The following ARHGAP18 variants were observed in gnomAD, a reference collection of about 807,000 sequenced individuals.
ARHGAP18 encodes the protein Rho GTPase activating protein 18, also known as rho GTPase-activating protein 18.
Under a neutral mutation model 86.2 loss-of-function variants are expected in ARHGAP18, and 67 were observed. The observed-to-expected ratio is 0.78, with a 90% CI of 0.64 to 0.95. ARHGAP18 has a LOEUF of 0.95. Among genes scored for constraint, ARHGAP18 ranks in the 40% least tolerant of loss-of-function variants. The probability of loss-of-function intolerance (pLI) is 0.00; values close to 1 mark genes in which losing one functional copy is unlikely to be tolerated. For synonymous variants in ARHGAP18, 283 were observed against 280.4 expected (o/e 1.01, Z -0.09); for missense variants, 691 against 780.4 (o/e 0.89, Z 1.37).
At chr6:129,672,243 A>G (rs1368210435) in intron 1 of ARHGAP18, among the ~76,000 whole-genome samples, 1 of 152,136 alleles carries the variant, frequency 6.6e-6, no homozygotes, top group East Asian at 1.9e-4. Context: ...GTGTGTGCCA[A>G]CCTTACTCTC....
intron 1 of ARHGAP18, among the ~76,000 whole-genome samples, chr6:129,698,930 T>C (rs1774667482): frequency 6.6e-6 from 1 of 152,018 alleles, no homozygotes; most frequent in Admixed American, 6.5e-5. Flanking sequence ...TGACCTCAGG[T>C]GATCCACCCA....
chr6:129,707,611 G>A (rs549091528), intron 1 of ARHGAP18, among the ~76,000 whole-genome samples: 67 of 151,302 alleles, frequency 4.4e-4, no homozygotes, highest in African/African-American at 1.3e-3. Context: ...CTGGGACCAC[G>A]GGCATGCACT....
At chr6:129,594,716 TC>T (rs1788581670) in intron 12 of ARHGAP18, among the ~76,000 whole-genome samples, 1 of 152,164 alleles carries the variant, frequency 6.6e-6, no homozygotes, top group Non-Finnish European at 1.5e-5. Context: ...CATTCTAGAT[TC>T]CCTTCTTCTT....
At position 129,657,439 on chromosome 6, in the gene ARHGAP18, A is replaced by AAAC. The variant is rs558806978; in HGVS notation, c.114-15422_114-15421insGTT. 2.9e-3 allele frequency among the ~76,000 whole-genome samples: 444 copies of AAAC among 152,010 alleles called. 2 individuals carry two copies. The highest frequency in any genetic ancestry group is 9.9e-3 in the African/African-American group (410 of 41,460). ...CACCATTTTTGAAATTAAAAAAAAA[A>AAAC]AAAAAACAACTTAATACATGTTGGG... On this transcript the variant is annotated intron_variant, in intron 1 of 14. Transcript: ENST00000368149.
chr6:129,623,741 G>A (rs901545526), intron 5 of ARHGAP18, among the ~76,000 whole-genome samples: 2 of 151,824 alleles, frequency 1.3e-5, no homozygotes, highest in Non-Finnish European at 2.9e-5. Flanking sequence ...GAAGACAAAC[G>A]GACTAAAAAA....
intron 4 of ARHGAP18, among the ~76,000 whole-genome samples, chr6:129,631,441 G>A (rs1225805005): frequency 2.6e-5 from 4 of 151,888 alleles, no homozygotes; most frequent in Non-Finnish European, 5.9e-5. Flanking sequence ...AGAAAATCAA[G>A]TTGAAGCACA....
At chr6:129,582,585 G>A (rs965489764) in intron 13 of ARHGAP18, among the ~76,000 whole-genome samples, 1 of 152,128 alleles carries the variant, frequency 6.6e-6, no homozygotes, top group African/African-American at 2.4e-5. Context: ...TGCAGAAACT[G>A]CAAGACACTA....
intron 7 of ARHGAP18, among the ~76,000 whole-genome samples, chr6:129,614,292 G>A (rs1483184721): frequency 6.6e-6 from 1 of 152,010 alleles, no homozygotes; most frequent in East Asian, 1.9e-4. Context: ...TGACCTAATT[G>A]AGTTGTCAGC....
At chr6:129,650,980 A>C (rs1021833662) in intron 1 of ARHGAP18, among the ~76,000 whole-genome samples, 5 of 152,002 alleles carry the variant, frequency 3.3e-5, no homozygotes, top group Admixed American at 6.6e-5. Context: ...GTGTGTCCCC[A>C]CCATTAAATT....
intron 2 of ARHGAP18, among the ~76,000 whole-genome samples, chr6:129,640,606 C>A (rs1045456510): frequency 1.3e-5 from 2 of 151,994 alleles, no homozygotes; most frequent in South Asian, 2.1e-4. Flanking sequence ...AGAAAAAACC[C>A]CAAGTCTTCT....
Position 129,641,831 on chromosome 6 carries a change from C to A in ARHGAP18, c.301G>T (p.Val101Phe). 6.2e-7 allele frequency: 1 copy of A among 1,613,450 alleles called. No homozygotes were observed. Among genetic ancestry groups the A allele is most frequent in the Non-Finnish European group, 8.5e-7 (1 of 1,179,732 alleles). The part of the protein sequence containing the change: ...NSQEDQEVVV[V>F]KEPDEGELEE... The stretch of plus-strand genomic sequence containing the variant: ...TAGTTATTACCATCAGGCTCTTTGA[C>A]AACAACCACCTCTTGATCTTCTTGG... The change falls in exon 2 of 15, where the codon GTC (valine) becomes TTC (phenylalanine). Residue 101 changes from valine (V) to phenylalanine (F), a missense_variant. By Grantham distance (50) the Val-to-Phe change is conservative. Coordinates refer to ENST00000368149, the MANE Select transcript of ARHGAP18 (RefSeq NM_033515.3).
rs151107866 is a variant in ARHGAP18 at position 129,579,229 on chromosome 6, G to C, written c.1901-625C>G. 6.2e-3 allele frequency among the ~76,000 whole-genome samples: 948 copies of C among 152,082 alleles called. 10 individuals are homozygous for C. Among genetic ancestry groups the C allele is most frequent in the African/African-American group, 0.022 (899 of 41,504 alleles). On this transcript the variant is annotated intron_variant, in intron 14 of 14. Coordinates refer to ENST00000368149, the MANE Select transcript of ARHGAP18 (RefSeq NM_033515.3). ...ACACTTAATTCCCAAGATCTAAAAG[G>C]AAAATAAGAAATCAAATCTATTAAT... is the stretch of plus-strand genomic sequence containing the variant.
intron 11 of ARHGAP18, 127 bp from the exon 12 acceptor site, chr6:129,599,483 T>C: frequency 1.3e-6 from 1 of 790,844 alleles, no homozygotes; most frequent in Non-Finnish European, 1.8e-6. Flanking sequence ...AAGACTGCCA[T>C]TTTACATGCA....
chr6:129,648,458 C>A (rs1476367455), intron 1 of ARHGAP18, among the ~76,000 whole-genome samples: 1 of 151,240 alleles, frequency 6.6e-6, no homozygotes, highest in Non-Finnish European at 1.5e-5. Context: ...GCCACTGTGC[C>A]TGTCCAGTGC....
rs1418892807 is a variant in ARHGAP18, at chr6:129,625,385, ATATATT to A, written c.786+3962_786+3967del. On this transcript the variant is annotated intron_variant, in intron 5 of 14. Coordinates refer to ENST00000368149, the MANE Select transcript of ARHGAP18 (RefSeq NM_033515.3). Reference sequence around the variant, plus strand: ...TGTATATTTATATATATTATATATTATATATTTATACATATGTATTATATATTATAT... The same window carrying A: ...TGTATATTTATATATATTATATATTATATACATATGTATTATATATTATAT... Among the ~76,000 whole-genome samples, 8 of 83,298 alleles carry A rather than the reference ATATATT, an allele frequency of 9.6e-5. 2 individuals carry two copies. Among genetic ancestry groups the A allele is most frequent in the Non-Finnish European group, 1.6e-4 (8 of 51,382 alleles). The allele number at this position is 83,298 out of a possible 152,430, so 54.6% of individuals were successfully genotyped here.
intron 5 of ARHGAP18, among the ~76,000 whole-genome samples, chr6:129,625,948 T>TA (rs1789451624): frequency 3.4e-5 from 2 of 59,116 alleles, no homozygotes; most frequent in African/African-American, 5.2e-5. Flanking sequence ...TATTATATAT[T>TA]TATATATTAT....
At chr6:129,605,172 T>C (rs1233237007) in intron 10 of ARHGAP18, among the ~76,000 whole-genome samples, 1 of 152,168 alleles carries the variant, frequency 6.6e-6, no homozygotes, top group Non-Finnish European at 1.5e-5. Flanking sequence ...AATTAAACCT[T>C]TTACAACTAC....
At chr6:129,637,253 T>C (rs757538505) in intron 3 of ARHGAP18, among the ~76,000 whole-genome samples, 1 of 152,114 alleles carries the variant, frequency 6.6e-6, no homozygotes, top group Non-Finnish European at 1.5e-5. Context: ...TTTGTAGAGA[T>C]TGGGTTTTGC....
At chr6:129,646,616 C>A (rs1179857573) in intron 1 of ARHGAP18, among the ~76,000 whole-genome samples, 2 of 152,040 alleles carry the variant, frequency 1.3e-5, no homozygotes, top group Non-Finnish European at 1.5e-5. Flanking sequence ...TTAAAAAGGC[C>A]ATTTTTCAAA....
Sources: gnomAD v4.1 joint callset for allele counts (sites outside exome capture counted in the v4.1 genomes callset) on GRCh38, gnomAD v4.1.1 for gene constraint, MANE v1.5 for transcripts, NCBI Gene and HGNC (gene_info 2026-07-23, HGNC 2026-07-21) for gene names.